ATP10A: variants seen among roughly 807,000 people sequenced by gnomAD.
ATP10A encodes the protein ATPase phospholipid transporting 10A (putative).
Under a neutral mutation model 147.8 loss-of-function variants are expected in ATP10A, and 111 were observed. The ratio of observed to expected loss-of-function variants is 0.75; its 90% CI spans 0.64 to 0.88. The LOEUF is 0.88. Ranked by LOEUF, ATP10A falls within the 40% of genes least tolerant of loss-of-function variation. ATP10A has a pLI of 0.00. For missense variants in ATP10A, 1,927 were observed against 1,959.0 expected (o/e 0.98, Z 0.31); for synonymous variants, 875 against 841.6 (o/e 1.04, Z -0.69).
At chr15:25,710,356 G>C (rs1174675819) in intron 10 of ATP10A, 1 of 152,516 alleles carries the variant, frequency 6.6e-6, no homozygotes, top group Non-Finnish European at 1.5e-5. Context: ...GGTCGGGGCA[G>C]GAGCAGGAGG....
At chr15:25,733,494 G>A (rs1193349918) in intron 3 of ATP10A, among the ~76,000 whole-genome samples, 1 of 152,158 alleles carries the variant, frequency 6.6e-6, no homozygotes, top group Admixed American at 6.5e-5. Flanking sequence ...GTCCGGGGCA[G>A]GGCTGCTCCC....
rs192108073 is a variant in ATP10A at position 25,715,021 on chromosome 15, A to G, written c.1777-780T>C. ...ACACACAATTGTTAAAGTTTCAAAAAGCTCAATGATAGGGCAACAGAGCCA... is the reference window on the plus strand; with the variant it reads ...ACACACAATTGTTAAAGTTTCAAAAGGCTCAATGATAGGGCAACAGAGCCA... On this transcript the variant is annotated intron_variant, in intron 9 of 20. Transcript: ENST00000555815. 4.2e-3 allele frequency among the ~76,000 whole-genome samples: 635 copies of G among 152,120 alleles called. 4 individuals are homozygous for G. Among genetic ancestry groups the G allele is most frequent in the African/African-American group, 0.015 (612 of 41,470 alleles).
In ATP10A at chr15:25,699,260, C is replaced by T. The variant is rs567522844; in HGVS notation, c.2760+2656G>A. ...TCGTATTGGTGAAGGGATAGACAAA[C>T]AAATGAATGGAACAGAACAGAAAGT... On this transcript the variant is annotated intron_variant, in intron 13 of 20. Transcript: ENST00000555815. Among the ~76,000 whole-genome samples the T allele has an allele frequency of 1.1e-3, 165 of 152,240 alleles. No individual in the cohort carries two copies. The South Asian group carries it at 0.015, about 14-fold the overall frequency.
chr15:25,736,449 G>T (rs966966559), intron 2 of ATP10A, among the ~76,000 whole-genome samples: 1 of 152,226 alleles, frequency 6.6e-6, no homozygotes, highest in Non-Finnish European at 1.5e-5. Context: ...CATCAATGAA[G>T]CAAAGGGATG....
intron 1 of ATP10A, among the ~76,000 whole-genome samples, chr15:25,830,379 C>CA (rs1567415749): frequency 6.6e-6 from 1 of 152,168 alleles, no homozygotes; most frequent in African/African-American, 2.4e-5. Context: ...CCAGCCTGTC[C>CA]AAAACCACAC....
chr15:25,702,154 C>T, intron 12 of ATP10A, 54 bp from the exon 13 acceptor site: 1 of 1,526,096 alleles, frequency 6.6e-7, no homozygotes, highest in Non-Finnish European at 8.9e-7. Context: ...GCCCCCCAAT[C>T]CTTCTGGGGT....
rs144436081 is a variant in ATP10A, at chr15:25,721,241, C to T, written c.1363+416G>A. ...AGGAACACTGTTCCAGGGAAGAGAA[C>T]GAAACATGAATTAGCCAGTGCCCTT... On this transcript the variant is annotated intron_variant, in intron 7 of 20. Transcript: ENST00000555815. Among the ~76,000 whole-genome samples the T allele has an allele frequency of 1.7e-3, 262 of 152,286 alleles. 1 individual carries two copies. Among genetic ancestry groups the T allele is most frequent in the Middle Eastern group, 6.8e-3 (2 of 294 alleles).
intron 4 of ATP10A, 105 bp downstream of exon 4, chr15:25,727,055 C>CAAAAAA (rs33946132): frequency 1.5e-3 from 1,086 of 716,422 alleles, no homozygotes; most frequent in Middle Eastern, 2.1e-3. Flanking sequence ...AGACTCGTCT[C>CAAAAAA]AAAAAAAAAA....
At chr15:25,797,164 G>C (rs1290321982) in intron 1 of ATP10A, among the ~76,000 whole-genome samples, 1 of 151,980 alleles carries the variant, frequency 6.6e-6, no homozygotes, top group African/African-American at 2.4e-5. Flanking sequence ...ATTCTACTCT[G>C]CTTCTATGAA....
chr15:25,771,319 C>G (rs1889323878), intron 2 of ATP10A, among the ~76,000 whole-genome samples: 1 of 152,164 alleles, frequency 6.6e-6, no homozygotes, highest in Non-Finnish European at 1.5e-5. Context: ...CCTATAATCT[C>G]AGCACTTTGA....
At chr15:25,772,284 G>T (rs958698366) in intron 2 of ATP10A, among the ~76,000 whole-genome samples, 1 of 152,006 alleles carries the variant, frequency 6.6e-6, no homozygotes, top group Non-Finnish European at 1.5e-5. Flanking sequence ...TCTCTCCTCC[G>T]AACGTCCCCC....
chr15:25,703,449 G>A (rs1258495641), intron 12 of ATP10A, among the ~76,000 whole-genome samples: 2 of 152,212 alleles, frequency 1.3e-5, no homozygotes, highest in Non-Finnish European at 2.9e-5. Flanking sequence ...TGCAAACCAG[G>A]AGGAGATCCC....
rs984989711 is a variant in ATP10A at position 25,718,194 on chromosome 15, G to T, written c.1569C>A (p.Phe523Leu). 4 of 1,612,838 alleles carry T rather than the reference G, an allele frequency of 2.5e-6. No homozygotes were observed. Among genetic ancestry groups the T allele is most frequent in the Non-Finnish European group, 3.4e-6 (4 of 1,179,928 alleles). ...RASMLSKHTA[F>L]SSPMEKDITP... ...CCTGTACACTCACCATGGGGCTGCT[G>T]AAGGCCGTGTGCTTGGACAGCATGC... Residue 523 changes from phenylalanine (F) to leucine (L), a missense_variant, in exon 8 of 21, where the codon TTC (phenylalanine) becomes TTA (leucine). Phe to Leu is a conservative substitution (Grantham distance 22). Coordinates refer to ENST00000555815, the MANE Select transcript of ATP10A (RefSeq NM_024490.4).
intron 2 of ATP10A, among the ~76,000 whole-genome samples, chr15:25,779,845 AACACAC>A (rs56111172): frequency 0.031 from 4,567 of 147,306 alleles, 130 homozygotes; most frequent in African/African-American, 0.081. Flanking sequence ...AGAAGGTTAA[AACACAC>A]ACACACACAC....
At chr15:25,743,895 T>C (rs1047590762) in intron 2 of ATP10A, among the ~76,000 whole-genome samples, 1 of 152,186 alleles carries the variant, frequency 6.6e-6, no homozygotes, top group Non-Finnish European at 1.5e-5. Context: ...TGTATCACTT[T>C]GATAGTGAGG....
chr15:25,713,551 T>C (rs1279508192), intron 10 of ATP10A, 123 bp downstream of exon 10: 2 of 1,022,678 alleles, frequency 2.0e-6, no homozygotes, highest in Non-Finnish European at 1.4e-6. Context: ...AATTCTCCAA[T>C]GGGCATTTCT....
At chr15:25,691,120 A>G (rs1178368910) in intron 15 of ATP10A, among the ~76,000 whole-genome samples, 2 of 152,206 alleles carry the variant, frequency 1.3e-5, no homozygotes, top group South Asian at 4.1e-4. Flanking sequence ...TAAAATCTCC[A>G]CCAACCCAAA....
At chr15:25,673,074 TG>T (rs1274613141), downstream of ATP10A, among the ~76,000 whole-genome samples, 1 of 152,082 alleles carries the variant, frequency 6.6e-6, no homozygotes, top group Non-Finnish European at 1.5e-5. Flanking sequence ...GTGAGCAGCA[TG>T]CAAAACCATA....
Position 25,687,688 on chromosome 15 carries a change from G to A in ATP10A, c.3291+15C>T. On this transcript the variant is annotated intron_variant, in intron 16 of 20. Transcript: ENST00000555815. ...CTTCCAATCCCAAAACTCTAGACAG[G>A]TATCCAATACCTACTGTGTTTTTGT... 6.5e-7 allele frequency: 1 copy of A among 1,530,994 alleles called. No individual in the cohort carries two copies. Among genetic ancestry groups the A allele is most frequent in the Non-Finnish European group, 8.8e-7 (1 of 1,134,468 alleles). 94.8% of individuals were successfully genotyped at this position (1,530,994 alleles called of 1,614,324 possible). A position where few individuals can be genotyped will look rare whatever the true frequency, so the allele number is the denominator to read the frequency against.
Sources: allele counts gnomAD v4.1 joint callset (sites outside exome capture counted in the v4.1 genomes callset), GRCh38; gene constraint gnomAD v4.1.1; transcripts MANE v1.5; gene names NCBI Gene and HGNC (gene_info 2026-07-23, HGNC 2026-07-21).